Variants in WDR27 observed in about 807,000 individuals in gnomAD.
WDR27 encodes the protein WD repeat-containing protein 27.
WDR27 carries 100 observed loss-of-function variants against 114.4 expected under a neutral mutation model. The observed-to-expected ratio is 0.87, with a 90% CI of 0.74 to 1.03. WDR27 has a LOEUF of 1.03. WDR27 is among the 50% of genes least tolerant of loss of function. The probability of loss-of-function intolerance (pLI) is 0.00; values close to 1 mark genes in which losing one functional copy is unlikely to be tolerated. For synonymous variants in WDR27, 449 were observed against 423.1 expected, an observed-to-expected ratio of 1.06 and a Z score of -0.75; for missense variants, 1,129 against 1,092.9, an observed-to-expected ratio of 1.03 and a Z score of -0.47.
intron 25 of WDR27, among the ~76,000 whole-genome samples, chr6:169,518,957 A>G (rs1469987663): frequency 6.6e-6 from 1 of 152,184 alleles, no homozygotes; most frequent in African/African-American, 2.4e-5. Context: ...CAGATACCCT[A>G]GGTTGTCACT....
At chr6:169,440,391 A>G in the WDR27 span, among the ~76,000 whole-genome samples, 1 of 152,152 alleles carries the variant, frequency 6.6e-6, no homozygotes, top group Non-Finnish European at 1.5e-5. Flanking sequence ...TTTAGTTTTT[A>G]GTTTTAGTTT....
intron 13 of WDR27, among the ~76,000 whole-genome samples, chr6:169,653,258 G>T (rs1584926017): frequency 6.6e-6 from 1 of 152,074 alleles, no homozygotes; most frequent in Non-Finnish European, 1.5e-5. Context: ...GTTAGTCAAG[G>T]TTTCCAAAAA....
intron 2 of WDR27, among the ~76,000 whole-genome samples, chr6:169,688,498 C>T (rs1349039236): frequency 6.6e-6 from 1 of 151,588 alleles, no homozygotes; most frequent in African/African-American, 2.4e-5. Flanking sequence ...TATACTTCAC[C>T]GAAAAAGTGA....
intron 25 of WDR27, among the ~76,000 whole-genome samples, chr6:169,529,709 A>T (rs1456121644): frequency 6.6e-6 from 1 of 152,254 alleles, no homozygotes; most frequent in Non-Finnish European, 1.5e-5. Flanking sequence ...TATCTATTAG[A>T]ATACTATAAG....
rs1019538836 is a variant in WDR27, at chr6:169,672,307, C to A, written c.279G>T (p.Leu93=). The A allele has an allele frequency of 6.2e-7, 1 of 1,613,630 alleles. No homozygotes were observed. Among genetic ancestry groups the A allele is most frequent in the African/African-American group, 1.3e-5 (1 of 75,000 alleles). ...CCAGGTTCCACATTATAACATAATC[C>A]AGTGATGCTGAGCAGATTAGAAGTG... ...VNPLLICSAS[L]DYVIMWNLDE... Residue 93 remains leucine (L), a synonymous_variant, in exon 3 of 26, where the codon CTG becomes CTT. Transcript: ENST00000448612.
intron 2 of WDR27, among the ~76,000 whole-genome samples, chr6:169,679,516 G>C (rs1780943965): frequency 6.6e-6 from 1 of 152,126 alleles, no homozygotes; most frequent in African/African-American, 2.4e-5. Flanking sequence ...AGGTGTTTGG[G>C]TCATGCCGGC....
the WDR27 span, among the ~76,000 whole-genome samples, chr6:169,447,248 T>G: frequency 1.3e-5 from 2 of 152,236 alleles, no homozygotes; most frequent in Admixed American, 1.3e-4. Context: ...TTATGAGCTG[T>G]GTTTTTATGT....
intron 25 of WDR27, among the ~76,000 whole-genome samples, chr6:169,477,366 T>C (rs922521988): frequency 1.3e-5 from 2 of 152,270 alleles, no homozygotes; most frequent in African/African-American, 4.8e-5. Flanking sequence ...GTGTAATTCT[T>C]ATATATCCCT....
At chr6:169,493,314 G>A (rs1404136426) in intron 25 of WDR27, among the ~76,000 whole-genome samples, 1 of 151,946 alleles carries the variant, frequency 6.6e-6, no homozygotes, top group African/African-American at 2.4e-5. Flanking sequence ...AAATCTCTGG[G>A]AAGATAAACA....
intron 25 of WDR27, among the ~76,000 whole-genome samples, chr6:169,522,678 CACAA>C (rs1163065111): frequency 1.3e-5 from 2 of 151,752 alleles, no homozygotes; most frequent in African/African-American, 2.4e-5. Flanking sequence ...TTGGAAAATA[CACAA>C]ACACATGAAA....
intron 24 of WDR27, among the ~76,000 whole-genome samples, chr6:169,576,046 T>C (rs920281126): frequency 3.3e-5 from 4 of 120,276 alleles, no homozygotes; most frequent in Non-Finnish European, 5.9e-5. Flanking sequence ...AACTGCATAC[T>C]GCAAAGCTTT....
the WDR27 span, among the ~76,000 whole-genome samples, chr6:169,435,091 T>C: frequency 2.6e-5 from 4 of 152,246 alleles, no homozygotes; most frequent in Non-Finnish European, 5.9e-5. Flanking sequence ...GCTTAGGCCA[T>C]GACTTCAGAG....
At chr6:169,487,002 C>T (rs981501523) in intron 25 of WDR27, among the ~76,000 whole-genome samples, 1 of 152,134 alleles carries the variant, frequency 6.6e-6, no homozygotes, top group Non-Finnish European at 1.5e-5. Flanking sequence ...CCCATGGGTA[C>T]TGGAGGGCAG....
At chr6:169,514,896 TTTTTA>T (rs1197922064) in intron 25 of WDR27, among the ~76,000 whole-genome samples, 1 of 151,714 alleles carries the variant, frequency 6.6e-6, no homozygotes, top group African/African-American at 2.4e-5. Context: ...TAATAATTAC[TTTTTA>T]TTTTATTTTA....
intron 5 of WDR27, 146 bp from the exon 6 acceptor site, chr6:169,667,333 T>C (rs1189680374): frequency 1.6e-6 from 2 of 1,238,034 alleles, no homozygotes; most frequent in Non-Finnish European, 2.0e-6. Flanking sequence ...ACAAAAATAA[T>C]AAAAATGTAG....
intron 25 of WDR27, among the ~76,000 whole-genome samples, chr6:169,570,337 G>A (rs1801175828): frequency 6.6e-6 from 1 of 152,166 alleles, no homozygotes; most frequent in South Asian, 2.1e-4. Flanking sequence ...GCTAGACCAG[G>A]TGGGACCCAG....
intron 1 of WDR27, among the ~76,000 whole-genome samples, chr6:169,690,163 A>G (rs769438759): frequency 1.3e-5 from 2 of 149,646 alleles, no homozygotes; most frequent in African/African-American, 2.5e-5. Flanking sequence ...GGATCCACCC[A>G]TTAGGCCCTC....
intron 21 of WDR27, among the ~76,000 whole-genome samples, chr6:169,626,558 T>C (rs1211184829): frequency 1.3e-5 from 2 of 152,138 alleles, no homozygotes; most frequent in African/African-American, 4.8e-5. Context: ...CCCCGCCTTG[T>C]TCAGAGGCCC....
Position 169,642,723 on chromosome 6 carries a change from T to C in WDR27, c.1747+974A>G, listed in dbSNP as rs1819545110. 2.0e-5 allele frequency among the ~76,000 whole-genome samples: 3 copies of C among 152,166 alleles called. No individual in the cohort carries two copies. The South Asian group carries it at 6.2e-4, about 32-fold the overall frequency. On this transcript the variant is annotated intron_variant, in intron 17 of 25. Coordinates refer to ENST00000448612, the MANE Select transcript of WDR27 (RefSeq NM_182552.5). ...GCAGAGGGTGTGAGGCGGGAGTCAC[T>C]GGGGGCGCTCATCTGCTCCCAGGTG...
Sources: gnomAD v4.1 joint callset for allele counts (sites outside exome capture counted in the v4.1 genomes callset) on GRCh38, gnomAD v4.1.1 for gene constraint, MANE v1.5 for transcripts, NCBI Gene and HGNC (gene_info 2026-07-23, HGNC 2026-07-21) for gene names.